The following AEN variants were observed in gnomAD, a reference collection of about 807,000 sequenced individuals.
AEN encodes apoptosis-enhancing nuclease.
A neutral mutation model predicts 17.7 loss-of-function variants in AEN; 21 were observed. The ratio of observed to expected loss-of-function variants is 1.19; its 90% CI spans 0.84 to 1.71. The LOEUF (loss-of-function observed/expected upper bound fraction) is 1.71, where lower values mean the gene tolerates loss of function less well. AEN is among the 40% of genes most tolerant of loss of function. The pLI, the probability that AEN is intolerant of heterozygous loss-of-function variation, is 0.00. For missense variants in AEN, 462 were observed against 435.9 expected (o/e 1.06, Z -0.53); for synonymous variants, 190 against 173.0 (o/e 1.10, Z -0.77).
chr15:88,605,968 G>GGACT, the AEN span, among the ~76,000 whole-genome samples: 1 of 152,352 alleles, frequency 6.6e-6, no homozygotes, highest in African/African-American at 2.4e-5. The surrounding 1 kb of genome is among the most constrained non-coding windows in gnomAD (Gnocchi z 7.6). Flanking sequence ...GAAGAAAGCG[G>GGACT]GACTCATCTT....
intron 1 of AEN, among the ~76,000 whole-genome samples, chr15:88,625,870 G>A (rs913586007): frequency 4.6e-5 from 7 of 152,202 alleles, no homozygotes; most frequent in African/African-American, 1.7e-4. Flanking sequence ...CTGTGCCTCA[G>A]TTTCTTACCT....
At chr15:88,611,782 G>A in the AEN span, 6 of 442,826 alleles carry the variant, frequency 1.4e-5, no homozygotes, top group Admixed American at 5.6e-5. Context: ...TGACCTGGTG[G>A]CGAGGGGAGG....
intron 3 of AEN, 118 bp downstream of exon 3, chr15:88,629,544 C>T (rs776405354): frequency 1.3e-5 from 16 of 1,258,440 alleles, no homozygotes; most frequent in Non-Finnish European, 1.6e-5. Context: ...CTTCCCTAGT[C>T]CAGGTCCAGG....
At chr15:88,625,370 T>C (rs1483352968) in intron 1 of AEN, among the ~76,000 whole-genome samples, 2 of 152,052 alleles carry the variant, frequency 1.3e-5, no homozygotes, top group East Asian at 3.9e-4. Context: ...ACAAAAAAAG[T>C]AGCCAGGTGT....
chr15:88,618,026 C>T (rs34385252), upstream of AEN, among the ~76,000 whole-genome samples: 39,723 of 152,070 alleles, frequency 0.26, 6,041 homozygotes, highest in Non-Finnish European at 0.33. Context: ...GTTCATCCCA[C>T]TTACCTACAC....
At chr15:88,619,006 A>G (rs2141363558), upstream of AEN, among the ~76,000 whole-genome samples, 1 of 152,298 alleles carries the variant, frequency 6.6e-6, no homozygotes, top group Admixed American at 6.5e-5. Flanking sequence ...TATGTTGCCC[A>G]TGCTGGTCTC....
upstream of AEN, among the ~76,000 whole-genome samples, chr15:88,617,257 CTTTA>C (rs1182773705): frequency 1.3e-5 from 2 of 151,700 alleles, no homozygotes; most frequent in African/African-American, 2.4e-5. Context: ...TGCCTAGCTT[CTTTA>C]TTTATTTATT....
upstream of AEN, among the ~76,000 whole-genome samples, chr15:88,619,620 A>G (rs1180278703): frequency 6.6e-6 from 1 of 152,132 alleles, no homozygotes; most frequent in Admixed American, 6.6e-5. Flanking sequence ...CCCGGGAGGC[A>G]CATGTTGCAG....
At chr15:88,608,282 A>T in the AEN span, 1 of 394,326 alleles carries the variant, frequency 2.5e-6, no homozygotes, top group South Asian at 2.0e-5. Flanking sequence ...TGGACTCAGG[A>T]TCTGGAATTG....
the AEN span, chr15:88,608,013 C>T: frequency 1.3e-5 from 6 of 456,020 alleles, no homozygotes; most frequent in East Asian, 3.4e-4. Context: ...CCCATAGCAA[C>T]AGTTGTGTGG....
At chr15:88,627,837 G>A (rs1200632561) in intron 2 of AEN, 2 of 152,198 alleles carry the variant, frequency 1.3e-5, no homozygotes, top group Non-Finnish European at 2.9e-5. Context: ...TTCTCAAAAT[G>A]TGTCATACAT....
chr15:88,631,520 G>GT lies in AEN; in HGVS notation c.*1232dup, dbSNP rs936350955. 9.9e-6 allele frequency: 2 copies of GT among 202,344 alleles called. No homozygotes were observed. The highest frequency in any genetic ancestry group is 4.6e-5 in the African/African-American group (2 of 43,940). The allele number at this position is 202,344 out of a possible 1,614,324, so 12.5% of individuals were successfully genotyped here. A position where few individuals can be genotyped will look rare whatever the true frequency, so the allele number is the denominator to read the frequency against. On this transcript the variant is annotated 3_prime_UTR_variant, in exon 4 of 4. Transcript: ENST00000332810. ...AGCGAGGGACTTCACTCTTGAGGCTGTTTTTTCCTCATCTGTAAAGTGGGG... is the reference window on the plus strand; with the variant it reads ...AGCGAGGGACTTCACTCTTGAGGCTGTTTTTTTCCTCATCTGTAAAGTGGGG...
At chr15:88,628,805 C>T in intron 2 of AEN, 1 of 170,908 alleles carries the variant, frequency 5.9e-6, no homozygotes, top group Admixed American at 6.1e-5. Flanking sequence ...CAACATGGTC[C>T]CTGCACTCAC....
At chr15:88,625,161 G>C (rs1220183760) in intron 1 of AEN, among the ~76,000 whole-genome samples, 1 of 152,226 alleles carries the variant, frequency 6.6e-6, no homozygotes, top group Non-Finnish European at 1.5e-5. Context: ...AAGCACTTCA[G>C]ATCAGGACTT....
Position 88,629,393 on chromosome 15 carries a change from C to A in AEN, c.708C>A (p.Asp236Glu). ...CCCGGGCCCGGGTCTCTCTAAAGGA[C>A]CTGGCCCTGCAGCTGCTGCACAAGA... ...LHTRARVSLK[D>E]LALQLLHKKI... The change falls in exon 3 of 4, where the codon GAC becomes GAA. Residue 236 changes from aspartate to glutamate, a missense_variant. Asp to Glu is a conservative substitution (Grantham distance 45). Coordinates refer to ENST00000332810, the MANE Select transcript of AEN (RefSeq NM_022767.4). 1 of 1,614,112 alleles carries A rather than the reference C, an allele frequency of 6.2e-7. No individual in the cohort carries two copies. Among genetic ancestry groups the A allele is most frequent in the Non-Finnish European group, 8.5e-7 (1 of 1,179,998 alleles).
chr15:88,616,251 G>A, the AEN span, among the ~76,000 whole-genome samples: 1 of 152,110 alleles, frequency 6.6e-6, no homozygotes, highest in Admixed American at 6.5e-5. Flanking sequence ...GTGTCACCAT[G>A]CCCGTCTAAT....
In AEN at chr15:88,632,119, TAA is replaced by T. The variant is rs1344084437; in HGVS notation, c.*1828_*1829del. 2 of 152,214 alleles carry T rather than the reference TAA, an allele frequency of 1.3e-5. No individual in the cohort carries two copies. The highest frequency in any genetic ancestry group is 4.8e-5 in the African/African-American group (2 of 41,452). 9.4% of individuals were successfully genotyped at this position (152,214 alleles called of 1,614,324 possible). A position where few individuals can be genotyped will look rare whatever the true frequency, so the allele number is the denominator to read the frequency against. On this transcript the variant is annotated 3_prime_UTR_variant, in exon 4 of 4. Coordinates refer to ENST00000332810, the MANE Select transcript of AEN (RefSeq NM_022767.4). The stretch of plus-strand genomic sequence containing the variant: ...CTCCAGAACTTTGTTCTAGATTCCT[TAA>T]AAGTCGGTAGCTGATGTCAAACTCA...
chr15:88,627,121 A>C (rs1161498887), intron 2 of AEN: 4 of 226,468 alleles, frequency 1.8e-5, no homozygotes, highest in Non-Finnish European at 3.6e-5. Context: ...TCCTTATGTT[A>C]GTTTCTTAGT....
the AEN span, among the ~76,000 whole-genome samples, chr15:88,609,346 ATCT>A: frequency 6.6e-6 from 1 of 152,248 alleles, no homozygotes. Flanking sequence ...CAAATAGCTT[ATCT>A]TCTTCTTTAT....
Sources: gnomAD v4.1 joint callset for allele counts (sites outside exome capture counted in the v4.1 genomes callset) on GRCh38, gnomAD v4.1.1 for gene constraint, Gnocchi (gnomAD v3.1) non-coding constraint, MANE v1.5 for transcripts, NCBI Gene and HGNC (gene_info 2026-07-23, HGNC 2026-07-21) for gene names.